CADM2: variants seen among roughly 807,000 people sequenced by gnomAD.
CADM2 encodes the protein cell adhesion molecule 2.
A neutral mutation model predicts 49.8 loss-of-function variants in CADM2; 12 were observed. The ratio of observed to expected loss-of-function variants is 0.24; its 90% confidence interval spans 0.15 to 0.39. The LOEUF (loss-of-function observed/expected upper bound fraction) is 0.39. Ranked by LOEUF, CADM2 falls within the 10% of genes least tolerant of loss-of-function variation. The pLI is 1.00. For missense variants in CADM2, 378 were observed against 492.3 expected (o/e 0.77, Z 2.20); for synonymous variants, 214 against 175.4 (o/e 1.22, Z -1.74).
chr3:85,670,601 A>G (rs2107632656), intron 1 of CADM2, among the ~76,000 whole-genome samples: 1 of 152,188 alleles, frequency 6.6e-6, no homozygotes, highest in Non-Finnish European at 1.5e-5. Flanking sequence ...AACTTGCAGG[A>G]AAAAAGCACC....
At chr3:85,077,988 C>T (rs114225709) in intron 1 of CADM2, among the ~76,000 whole-genome samples, 3 of 151,908 alleles carry the variant, frequency 2.0e-5, no homozygotes, top group Admixed American at 6.6e-5. Context: ...TTAAAATAAC[C>T]TTTATAACTT....
intron 1 of CADM2, among the ~76,000 whole-genome samples, chr3:85,300,243 T>C (rs1033667571): frequency 6.6e-6 from 1 of 152,074 alleles, no homozygotes; most frequent in East Asian, 1.9e-4. Context: ...AGAGCAGGTC[T>C]GGGAAGAAGG....
At chr3:85,506,105 G>A (rs968452559) in intron 1 of CADM2, among the ~76,000 whole-genome samples, 6 of 152,184 alleles carry the variant, frequency 3.9e-5, no homozygotes, top group African/African-American at 1.4e-4. Flanking sequence ...GTACAGAGGA[G>A]TAAACTATTT....
chr3:85,572,055 A>T (rs59835020), intron 1 of CADM2, among the ~76,000 whole-genome samples: 1 of 152,012 alleles, frequency 6.6e-6, no homozygotes, highest in Non-Finnish European at 1.5e-5. Flanking sequence ...CTAGCAGTTT[A>T]GGAGGCCGAG....
At chr3:85,758,369 T>C (rs1429499883) in intron 2 of CADM2, among the ~76,000 whole-genome samples, 1 of 152,136 alleles carries the variant, frequency 6.6e-6, no homozygotes. Flanking sequence ...ATGGTAATTA[T>C]AAACTCAATG....
intron 1 of CADM2, among the ~76,000 whole-genome samples, chr3:85,694,924 A>G (rs1233258154): frequency 2.0e-5 from 3 of 149,608 alleles, no homozygotes; most frequent in Non-Finnish European, 3.0e-5. Flanking sequence ...GTGAGATCCT[A>G]TCTCTAAAAA....
chr3:85,006,473 A>G (rs1335452297), intron 1 of CADM2, among the ~76,000 whole-genome samples: 1 of 152,206 alleles, frequency 6.6e-6, no homozygotes, highest in East Asian at 1.9e-4. Context: ...TCACAATTAA[A>G]CATATGACTT....
chr3:85,685,771 C>T (rs1013835790), intron 1 of CADM2, among the ~76,000 whole-genome samples: 7 of 151,762 alleles, frequency 4.6e-5, no homozygotes, highest in African/African-American at 1.7e-4. Context: ...CTACAGGGCA[C>T]GTGCCACCAC....
intron 1 of CADM2, among the ~76,000 whole-genome samples, chr3:85,450,732 AT>A (rs1192582980): frequency 6.6e-6 from 1 of 152,066 alleles, no homozygotes; most frequent in Non-Finnish European, 1.5e-5. Flanking sequence ...TTATAAACAA[AT>A]TACCTTTATC....
chr3:85,232,072 A>G (rs944032270), intron 1 of CADM2, among the ~76,000 whole-genome samples: 1 of 151,710 alleles, frequency 6.6e-6, no homozygotes, highest in African/African-American at 2.4e-5. Context: ...AGAACATCTA[A>G]TCAGATTCTC....
chr3:85,814,950 A>G (rs191168125), intron 3 of CADM2, among the ~76,000 whole-genome samples: 3 of 152,218 alleles, frequency 2.0e-5, no homozygotes, highest in African/African-American at 4.8e-5. Context: ...AACTACCATC[A>G]GAGAATACTA....
intron 1 of CADM2, among the ~76,000 whole-genome samples, chr3:85,213,236 C>G (rs1040422556): frequency 2.0e-5 from 3 of 151,986 alleles, no homozygotes; most frequent in East Asian, 3.9e-4. Flanking sequence ...TTTAGCATTT[C>G]TTGTAGAACA....
At chr3:86,004,125 A>G (rs1408324636) in intron 8 of CADM2, among the ~76,000 whole-genome samples, 1 of 152,042 alleles carries the variant, frequency 6.6e-6, no homozygotes, top group African/African-American at 2.4e-5. Flanking sequence ...TGAGGGATTG[A>G]TGGAGGAGAA....
At chr3:85,935,417 A>G (rs1721087823) in intron 6 of CADM2, among the ~76,000 whole-genome samples, 1 of 152,106 alleles carries the variant, frequency 6.6e-6, no homozygotes, top group South Asian at 2.1e-4. Flanking sequence ...CATTCAGCCC[A>G]TAATAATAGT....
intron 1 of CADM2, among the ~76,000 whole-genome samples, chr3:85,452,073 T>C (rs957746124): frequency 6.6e-6 from 1 of 152,164 alleles, no homozygotes; most frequent in South Asian, 2.1e-4. Flanking sequence ...CTCATGTGCT[T>C]CCGTCGCTCA....
chr3:85,533,001 G>C (rs1022583975), intron 1 of CADM2, among the ~76,000 whole-genome samples: 13 of 152,186 alleles, frequency 8.5e-5, no homozygotes, highest in African/African-American at 3.1e-4. Context: ...GGGCCTCTTG[G>C]AGGGTGGGAG....
chr3:85,363,135 A>T (rs187761493), intron 1 of CADM2, among the ~76,000 whole-genome samples: 19 of 152,338 alleles, frequency 1.2e-4, no homozygotes, highest in Admixed American at 1.2e-3. Flanking sequence ...GGAAGTAGAG[A>T]TATAAACTTG....
chr3:85,430,307 C>A (rs897703651), intron 1 of CADM2, among the ~76,000 whole-genome samples: 2 of 152,008 alleles, frequency 1.3e-5, no homozygotes, highest in African/African-American at 4.8e-5. Flanking sequence ...AAATTATGAT[C>A]ATGTTTCCTA....
At chr3:85,886,425 C>A in intron 5 of CADM2, 98 bp downstream of exon 5, 1 of 871,614 alleles carries the variant, frequency 1.1e-6, no homozygotes, top group Non-Finnish European at 1.8e-6. Context: ...AACATAGTGT[C>A]TCTTACAGAT....
Sources: allele counts gnomAD v4.1 joint callset (sites outside exome capture counted in the v4.1 genomes callset), GRCh38; gene constraint gnomAD v4.1.1; transcripts MANE v1.5; gene names NCBI Gene and HGNC (gene_info 2026-07-23, HGNC 2026-07-21).